FOCAD: variants seen among roughly 807,000 people sequenced by gnomAD.
FOCAD encodes the protein focadhesin.
FOCAD carries 198 observed loss-of-function variants against 225.6 expected under a neutral mutation model. The observed-to-expected ratio is 0.88, with a 90% CI of 0.78 to 0.99. The LOEUF (loss-of-function observed/expected upper bound fraction) is 0.99. Ranked by LOEUF, FOCAD falls within the 50% of genes least tolerant of loss-of-function variation. The pLI is 0.00. For missense variants in FOCAD, 2,713 were observed against 2,123.6 expected, an observed-to-expected ratio of 1.28 and a Z score of -5.46; for synonymous variants, 897 against 755.0, an observed-to-expected ratio of 1.19 and a Z score of -3.08.
intron 1 of FOCAD, among the ~76,000 whole-genome samples, chr9:20,694,150 C>T (rs1047975651): frequency 1.1e-4 from 16 of 152,162 alleles, no homozygotes; most frequent in Non-Finnish European, 8.8e-5. Flanking sequence ...AACCTCTTCA[C>T]TTTGAGTTGT....
chr9:20,806,241 G>A (rs1185607930), intron 11 of FOCAD, among the ~76,000 whole-genome samples: 1 of 152,142 alleles, frequency 6.6e-6, no homozygotes, highest in Admixed American at 6.5e-5. Context: ...AGTGCTGATG[G>A]GTACTATTTA....
chr9:20,684,114 C>T (rs997788202), upstream of FOCAD: 6 of 152,364 alleles, frequency 3.9e-5, no homozygotes, highest in African/African-American at 1.2e-4. Context: ...GCGGCCCGGG[C>T]CTTAGACGCG....
At chr9:20,865,326 G>T (rs1249777181) in intron 16 of FOCAD, among the ~76,000 whole-genome samples, 1 of 152,066 alleles carries the variant, frequency 6.6e-6, no homozygotes, top group East Asian at 1.9e-4. Context: ...AGGCAAGGAG[G>T]TATAGAGGAA....
At chr9:20,693,484 A>G (rs536520287) in intron 1 of FOCAD, among the ~76,000 whole-genome samples, 1 of 152,332 alleles carries the variant, frequency 6.6e-6, no homozygotes, top group African/African-American at 2.4e-5. Flanking sequence ...TGCCTCTACT[A>G]GGAATGTAAT....
At chr9:20,946,937 G>A in intron 30 of FOCAD, 117 bp downstream of exon 30, 6 of 1,295,814 alleles carry the variant, frequency 4.6e-6, no homozygotes, top group Non-Finnish European at 5.2e-6. Flanking sequence ...TAGAACTGAG[G>A]AACTTCTAAC....
chr9:20,693,688 AG>A (rs1823119727), intron 1 of FOCAD, among the ~76,000 whole-genome samples: 1 of 151,778 alleles, frequency 6.6e-6, no homozygotes, highest in Admixed American at 6.6e-5. Flanking sequence ...CTCCTTTGCA[AG>A]TACTTTTGCA....
chr9:20,761,116 C>G (rs1267443127), intron 6 of FOCAD, among the ~76,000 whole-genome samples: 6 of 152,056 alleles, frequency 3.9e-5, no homozygotes, highest in African/African-American at 1.2e-4. Context: ...AGTGATCCTC[C>G]TGTCTCAGCC....
chr9:20,891,208 A>G (rs1831584404), intron 21 of FOCAD, among the ~76,000 whole-genome samples: 1 of 152,176 alleles, frequency 6.6e-6, no homozygotes. Context: ...TTCACCAACC[A>G]GATGTCCCCC....
At chr9:20,749,705 C>G (rs1828370916) in intron 5 of FOCAD, among the ~76,000 whole-genome samples, 1 of 152,152 alleles carries the variant, frequency 6.6e-6, no homozygotes. Flanking sequence ...TTTCCTCACA[C>G]AGAAAAGGCA....
Position 20,926,380 on chromosome 9 carries a change from A to G in FOCAD, c.3041A>G (p.Tyr1014Cys), listed in dbSNP as rs137931934. The G allele has an allele frequency of 1.1e-3, 1,694 of 1,613,160 alleles. 3 individuals carry two copies. Among genetic ancestry groups the G allele is most frequent in the Non-Finnish European group, 9.3e-4 (1,095 of 1,179,132 alleles). The change falls in exon 26 of 44, where the codon TAC becomes TGC. Residue 1014 changes from tyrosine (Y) to cysteine (C), a missense_variant. Physicochemically the swap from Tyr to Cys is radical, Grantham distance 194. Transcript: ENST00000338382. ...CTCTTGGTCATTGTGGATAGCCATT[A>G]CCAACCCAGAGGGCAACTTCTCTCC... Reference protein sequence around the residue: ...DTLLVIVDSHYQPRGQLLSWF... With the variant: ...DTLLVIVDSHCQPRGQLLSWF...
chr9:20,976,664 G>T, intron 36 of FOCAD, 116 bp downstream of exon 36: 2 of 1,118,558 alleles, frequency 1.8e-6, no homozygotes, highest in East Asian at 2.5e-5. Context: ...AGATCTTGAG[G>T]TTTGTCATGT....
intron 5 of FOCAD, among the ~76,000 whole-genome samples, chr9:20,748,292 T>C (rs546638906): frequency 6.6e-6 from 1 of 152,192 alleles, no homozygotes; most frequent in Non-Finnish European, 1.5e-5. Context: ...ATATAACTTT[T>C]TAAATTTTTT....
chr9:20,827,817 C>T (rs886285454), intron 15 of FOCAD, among the ~76,000 whole-genome samples: 5 of 151,904 alleles, frequency 3.3e-5, no homozygotes, highest in Non-Finnish European at 7.4e-5. Flanking sequence ...GTTTAGATAT[C>T]GAATGTAAAA....
chr9:20,959,184 T>A (rs1452386173), intron 35 of FOCAD, among the ~76,000 whole-genome samples: 2 of 152,216 alleles, frequency 1.3e-5, no homozygotes, highest in Non-Finnish European at 2.9e-5. Context: ...CTTCACATCC[T>A]CAACAGCATT....
At chr9:20,668,574 A>G (rs910151432) in intron 2 of FOCAD, among the ~76,000 whole-genome samples, 4 of 152,226 alleles carry the variant, frequency 2.6e-5, no homozygotes, top group Admixed American at 6.5e-5. Context: ...AGGATAGGCT[A>G]TAAAGATTGT....
At chr9:20,689,067 A>G (rs1246627259) in intron 1 of FOCAD, among the ~76,000 whole-genome samples, 1 of 152,216 alleles carries the variant, frequency 6.6e-6, no homozygotes, top group Admixed American at 6.5e-5. Flanking sequence ...GGAGGAGCTG[A>G]AAGATTGAGA....
intron 21 of FOCAD, among the ~76,000 whole-genome samples, chr9:20,902,236 T>G (rs1027273171): frequency 6.6e-6 from 1 of 151,820 alleles, no homozygotes; most frequent in Non-Finnish European, 1.5e-5. Context: ...TGGAGTGTTG[T>G]GGGAGAGGCA....
chr9:20,837,544 GT>G (rs960265626), intron 15 of FOCAD, among the ~76,000 whole-genome samples: 1 of 150,160 alleles, frequency 6.7e-6, no homozygotes, highest in Admixed American at 6.7e-5. Flanking sequence ...AATGGGTAGG[GT>G]TTTTTTTTGG....
chr9:20,799,566 T>C (rs1821550218), intron 11 of FOCAD, among the ~76,000 whole-genome samples: 1 of 152,242 alleles, frequency 6.6e-6, no homozygotes, highest in Non-Finnish European at 1.5e-5. Context: ...GATAGTCAGC[T>C]CTTCTTATTG....
Sources: gnomAD v4.1 joint callset for allele counts (sites outside exome capture counted in the v4.1 genomes callset) on GRCh38, gnomAD v4.1.1 for gene constraint, MANE v1.5 for transcripts, NCBI Gene and HGNC (gene_info 2026-07-23, HGNC 2026-07-21) for gene names.